Variants in STOX1 observed in about 807,000 individuals in gnomAD.
The protein encoded by STOX1 is storkhead-box protein 1.
Under a neutral mutation model 74.8 loss-of-function variants are expected in STOX1, and 57 were observed. That is an observed-to-expected ratio of 0.76 (90% confidence interval 0.62 to 0.95). STOX1 has a LOEUF of 0.95. Ranked by LOEUF, STOX1 falls within the 40% of genes least tolerant of loss-of-function variation. The probability of loss-of-function intolerance (pLI) is 0.00; values close to 1 mark genes in which losing one functional copy is unlikely to be tolerated. For missense variants in STOX1, 1,010 were observed against 1,117.0 expected, an observed-to-expected ratio of 0.90 and a Z score of 1.37; for synonymous variants, 375 against 401.3, an observed-to-expected ratio of 0.93 and a Z score of 0.78.
intron 1 of STOX1, among the ~76,000 whole-genome samples, chr10:68,836,225 A>G (rs1287706886): frequency 6.6e-6 from 1 of 152,204 alleles, no homozygotes; most frequent in East Asian, 1.9e-4. Flanking sequence ...TGAGCTAGTT[A>G]CTTAACCTCT....
At chr10:68,842,913 GC>G (rs542303241) in intron 1 of STOX1, among the ~76,000 whole-genome samples, 7 of 152,128 alleles carry the variant, frequency 4.6e-5, no homozygotes, top group Non-Finnish European at 5.9e-5. Flanking sequence ...AACCAAACGA[GC>G]CTTTGACTCC....
At chr10:68,845,102 T>C (rs1381533966) in intron 1 of STOX1, among the ~76,000 whole-genome samples, 1 of 151,528 alleles carries the variant, frequency 6.6e-6, no homozygotes, top group African/African-American at 2.4e-5. Flanking sequence ...CTTTTGAATG[T>C]TTTAATTCTT....
intron 1 of STOX1, among the ~76,000 whole-genome samples, chr10:68,859,871 C>A (rs185400614): frequency 9.2e-5 from 14 of 151,962 alleles, no homozygotes; most frequent in Admixed American, 4.6e-4. Flanking sequence ...TCATGCTTGT[C>A]TTTTGACATC....
chr10:68,851,516 T>C (rs561934899), intron 1 of STOX1, among the ~76,000 whole-genome samples: 2 of 152,252 alleles, frequency 1.3e-5, no homozygotes, highest in Admixed American at 6.5e-5. Flanking sequence ...TGTATGAATG[T>C]ACCAGATTAC....
At chr10:68,836,811 C>T (rs1839567353) in intron 1 of STOX1, among the ~76,000 whole-genome samples, 2 of 152,230 alleles carry the variant, frequency 1.3e-5, no homozygotes, top group South Asian at 4.1e-4. Flanking sequence ...GTCAGCCTCC[C>T]AGTCATCTGT....
At chr10:68,847,959 G>A (rs1256457368) in intron 1 of STOX1, among the ~76,000 whole-genome samples, 4 of 152,246 alleles carry the variant, frequency 2.6e-5, no homozygotes, top group Middle Eastern at 3.4e-3. Context: ...TCAAACTCCC[G>A]ACCTCAGGTG....
At chr10:68,876,226 C>T (rs562315095) in intron 1 of STOX1, among the ~76,000 whole-genome samples, 7 of 151,648 alleles carry the variant, frequency 4.6e-5, no homozygotes, top group African/African-American at 1.2e-4. Flanking sequence ...GGCGCGATCT[C>T]GGCTCACCGC....
At chr10:68,854,546 C>T (rs368467461) in intron 1 of STOX1, among the ~76,000 whole-genome samples, 10 of 152,040 alleles carry the variant, frequency 6.6e-5, no homozygotes, top group African/African-American at 2.2e-4. Flanking sequence ...AATCTGCCCA[C>T]CTTGGCCTCT....
intron 3 of STOX1, among the ~76,000 whole-genome samples, chr10:68,890,863 G>T (rs1200363706): frequency 6.6e-6 from 1 of 152,012 alleles, no homozygotes; most frequent in Non-Finnish European, 1.5e-5. Context: ...TGTTGGCCAG[G>T]CTGGTCTCAA....
At chr10:68,857,940 A>G (rs1017193410) in intron 1 of STOX1, among the ~76,000 whole-genome samples, 2 of 152,094 alleles carry the variant, frequency 1.3e-5, no homozygotes, top group African/African-American at 4.8e-5. Flanking sequence ...AGTGGAGAAC[A>G]TCAGTCTTAG....
At chr10:68,836,073 G>A (rs1049459011) in intron 1 of STOX1, among the ~76,000 whole-genome samples, 1 of 152,060 alleles carries the variant, frequency 6.6e-6, no homozygotes, top group African/African-American at 2.4e-5. Context: ...GGGTTTCACT[G>A]TGTTAGCAGG....
At chr10:68,856,682 T>TGCTGCAGCGTGGC (rs1840133880) in intron 1 of STOX1, among the ~76,000 whole-genome samples, 1 of 152,038 alleles carries the variant, frequency 6.6e-6, no homozygotes. Context: ...CCCTCCTCCT[T>TGCTGCAGCGTGGC]GCTGCAGCGT....
chr10:68,838,967 G>A (rs1839627890), intron 1 of STOX1, among the ~76,000 whole-genome samples: 1 of 151,410 alleles, frequency 6.6e-6, no homozygotes, highest in Non-Finnish European at 1.5e-5. Flanking sequence ...CCCAGTCTTA[G>A]AGGAAAAGCA....
intron 1 of STOX1, among the ~76,000 whole-genome samples, chr10:68,840,432 G>T (rs538471529): frequency 1.4e-4 from 22 of 152,004 alleles, no homozygotes; most frequent in Admixed American, 5.9e-4. Flanking sequence ...TTTTTGTGGG[G>T]TTTTTTTGGT....
intron 3 of STOX1, among the ~76,000 whole-genome samples, chr10:68,892,212 T>C (rs1319874010): frequency 6.6e-6 from 1 of 152,128 alleles, no homozygotes; most frequent in African/African-American, 2.4e-5. Flanking sequence ...AATATAATAA[T>C]TTGCTTTTCT....
rs1467844239 is a variant in STOX1 at position 68,884,410 on chromosome 10, T to C, written c.614T>C (p.Met205Thr). 6.2e-7 allele frequency: 1 copy of C among 1,614,108 alleles called. No individual in the cohort carries two copies. Among genetic ancestry groups the C allele is most frequent in the Non-Finnish European group, 8.5e-7 (1 of 1,180,022 alleles). ...TNTTTQENKR[M>T]LPSDESRLMP... ...ACAACCACCCAGGAAAATAAGAGAATGCTGCCATCAGATGAAAGTCGCCTG... is the reference window on the plus strand; with the variant it reads ...ACAACCACCCAGGAAAATAAGAGAACGCTGCCATCAGATGAAAGTCGCCTG... The change falls in exon 3 of 4, where the codon ATG (methionine) becomes ACG (threonine). Residue 205 changes from methionine to threonine, a missense_variant. Coordinates refer to ENST00000298596, the MANE Select transcript of STOX1 (RefSeq NM_152709.5).
intron 1 of STOX1, among the ~76,000 whole-genome samples, chr10:68,845,920 G>C (rs28881496): frequency 0.021 from 3,153 of 151,622 alleles, 53 homozygotes; most frequent in Admixed American, 0.051. Flanking sequence ...TGTATTTTTA[G>C]TAGAGATGGG....
At chr10:68,832,663 A>T (rs1359831063) in intron 1 of STOX1, among the ~76,000 whole-genome samples, 1 of 61,576 alleles carries the variant, frequency 1.6e-5, no homozygotes, top group Non-Finnish European at 3.8e-5. Flanking sequence ...AAATGTCTTA[A>T]AAAAAAAAAA....
intron 1 of STOX1, among the ~76,000 whole-genome samples, chr10:68,863,284 C>G (rs1234268833): frequency 6.6e-6 from 1 of 152,118 alleles, no homozygotes; most frequent in Non-Finnish European, 1.5e-5. Flanking sequence ...TGAAGGAATA[C>G]TCACGGCAAT....
Sources: gnomAD v4.1 joint callset for allele counts (sites outside exome capture counted in the v4.1 genomes callset) on GRCh38, gnomAD v4.1.1 for gene constraint, MANE v1.5 for transcripts, NCBI Gene and HGNC (gene_info 2026-07-23, HGNC 2026-07-21) for gene names.